MACROD2: variants seen among roughly 807,000 people sequenced by gnomAD.
The protein encoded by MACROD2 is mono-ADP ribosylhydrolase 2.
MACROD2 carries 36 observed loss-of-function variants against 70.4 expected under a neutral mutation model. The ratio of observed to expected loss-of-function variants is 0.51; its 90% CI spans 0.39 to 0.68. The LOEUF is 0.68. MACROD2 is among the 30% of genes least tolerant of loss of function. The pLI is 0.00. For missense variants in MACROD2, 496 were observed against 538.4 expected (o/e 0.92, Z 0.78); for synonymous variants, 172 against 178.8 (o/e 0.96, Z 0.30).
At chr20:15,648,016 GCC>G (rs907848170) in intron 8 of MACROD2, among the ~76,000 whole-genome samples, 2 of 152,114 alleles carry the variant, frequency 1.3e-5, no homozygotes, top group African/African-American at 4.8e-5. Context: ...GAGCCACTGT[GCC>G]CAGAGGACAA....
At chr20:14,410,188 G>A (rs1054372789) in intron 3 of MACROD2, among the ~76,000 whole-genome samples, 1 of 149,508 alleles carries the variant, frequency 6.7e-6, no homozygotes, top group South Asian at 2.1e-4. Context: ...AAATTAGTAG[G>A]TTGGAGGTGA....
intron 5 of MACROD2, among the ~76,000 whole-genome samples, chr20:15,016,830 G>A (rs111348405): frequency 0.17 from 25,346 of 152,038 alleles, 2,376 homozygotes; most frequent in African/African-American, 0.24. Context: ...AACCCATCAG[G>A]TCTTGTGAGA....
chr20:15,330,034 T>C (rs1224118568), intron 6 of MACROD2, among the ~76,000 whole-genome samples: 1 of 152,064 alleles, frequency 6.6e-6, no homozygotes, highest in African/African-American at 2.4e-5. Flanking sequence ...CTTGCTAAGT[T>C]TCCCCGAGTT....
intron 4 of MACROD2, among the ~76,000 whole-genome samples, chr20:14,499,174 C>T (rs1332283966): frequency 3.9e-5 from 6 of 152,176 alleles, no homozygotes; most frequent in African/African-American, 1.4e-4. Context: ...CCTTTTTACT[C>T]AGGCAGGGAG....
chr20:15,339,718 T>C (rs1399188400), intron 6 of MACROD2, among the ~76,000 whole-genome samples: 1 of 151,842 alleles, frequency 6.6e-6, no homozygotes, highest in Non-Finnish European at 1.5e-5. Flanking sequence ...AGTTTCTGTT[T>C]ATGGAACACT....
intron 3 of MACROD2, among the ~76,000 whole-genome samples, chr20:14,166,045 CT>C (rs1306265600): frequency 6.6e-6 from 1 of 152,092 alleles, no homozygotes; most frequent in African/African-American, 2.4e-5. Flanking sequence ...TTGAAATAAT[CT>C]TTTTTCATTT....
intron 8 of MACROD2, among the ~76,000 whole-genome samples, chr20:15,612,363 C>T (rs760755902): frequency 2.3e-4 from 35 of 152,146 alleles, no homozygotes; most frequent in Non-Finnish European, 4.7e-4. Flanking sequence ...AGATAATGGT[C>T]CCTGATGCTG....
chr20:14,009,555 A>G (rs969848674), intron 2 of MACROD2, among the ~76,000 whole-genome samples: 2 of 152,188 alleles, frequency 1.3e-5, no homozygotes, highest in African/African-American at 2.4e-5. Flanking sequence ...AGACAGTATG[A>G]CAATGCCTTA....
intron 4 of MACROD2, among the ~76,000 whole-genome samples, chr20:14,544,005 G>A (rs2085463380): frequency 6.6e-6 from 1 of 152,020 alleles, no homozygotes; most frequent in South Asian, 2.1e-4. Context: ...GCTTCTTCCT[G>A]GGAATCTGGA....
intron 5 of MACROD2, among the ~76,000 whole-genome samples, chr20:14,867,216 A>T (rs769839777): frequency 1.3e-5 from 2 of 152,162 alleles, no homozygotes; most frequent in Non-Finnish European, 2.9e-5. Context: ...AAATAGTAGG[A>T]ATAAGTATGT....
chr20:14,786,706 C>T (rs1340490787), intron 5 of MACROD2, among the ~76,000 whole-genome samples: 2 of 152,006 alleles, frequency 1.3e-5, no homozygotes, highest in African/African-American at 2.4e-5. Context: ...GTATCCATAG[C>T]CCTTGGAGAG....
chr20:15,084,742 C>G (rs1206528716), intron 5 of MACROD2, among the ~76,000 whole-genome samples: 1 of 152,060 alleles, frequency 6.6e-6, no homozygotes, highest in Non-Finnish European at 1.5e-5. Flanking sequence ...TCTTCCTTGG[C>G]AACAGACATT....
intron 8 of MACROD2, among the ~76,000 whole-genome samples, chr20:15,709,970 A>G (rs2146913509): frequency 6.6e-6 from 1 of 152,186 alleles, no homozygotes; most frequent in South Asian, 2.1e-4. Context: ...TCTAGTAACC[A>G]CTGTTCTACT....
chr20:14,181,151 C>G (rs945268287), intron 3 of MACROD2, among the ~76,000 whole-genome samples: 5 of 151,654 alleles, frequency 3.3e-5, no homozygotes, highest in African/African-American at 7.3e-5. Flanking sequence ...TCAGTGCAGC[C>G]CTGACTTCCT....
intron 6 of MACROD2, among the ~76,000 whole-genome samples, chr20:15,259,175 A>C (rs920538123): frequency 8.4e-5 from 12 of 142,384 alleles, no homozygotes; most frequent in Admixed American, 1.4e-4. Context: ...AGTTTTGGGT[A>C]ATTTTTTAAC....
At position 14,999,519 on chromosome 20, in the gene MACROD2, G is replaced by T. The variant is rs2074976534; in HGVS notation, c.419-230421G>T. On this transcript the variant is annotated intron_variant, in intron 5 of 17. Transcript: ENST00000684519. ...AAATTAGCCAGGCATGGTGGCCCAT[G>T]CCTGTGGTCCCAGCTACTCAGGAGA... Among the ~76,000 whole-genome samples, 3 of 152,130 alleles carry T rather than the reference G, an allele frequency of 2.0e-5. No homozygotes were observed. In the South Asian group the frequency reaches 6.2e-4, roughly 31 times the overall value.
intron 4 of MACROD2, among the ~76,000 whole-genome samples, chr20:14,524,621 A>C (rs2085208616): frequency 6.6e-6 from 1 of 152,120 alleles, no homozygotes; most frequent in Non-Finnish European, 1.5e-5. Context: ...CGTATACATC[A>C]CACCTGGGAT....
intron 8 of MACROD2, among the ~76,000 whole-genome samples, chr20:15,568,786 G>A (rs2048341487): frequency 6.6e-6 from 1 of 152,172 alleles, no homozygotes; most frequent in South Asian, 2.1e-4. Context: ...AGCAACTATA[G>A]ATGGTTTTAG....
chr20:14,595,933 A>G (rs983459596), intron 4 of MACROD2, among the ~76,000 whole-genome samples: 16 of 152,164 alleles, frequency 1.1e-4, no homozygotes, highest in African/African-American at 3.6e-4. Flanking sequence ...GAACATTCCT[A>G]TACTTTACTT....
Sources: gnomAD v4.1 joint callset for allele counts (sites outside exome capture counted in the v4.1 genomes callset) on GRCh38, gnomAD v4.1.1 for gene constraint, MANE v1.5 for transcripts, NCBI Gene and HGNC (gene_info 2026-07-23, HGNC 2026-07-21) for gene names.